LRRC4C: variants seen among roughly 807,000 people sequenced by gnomAD.
LRRC4C encodes the protein leucine-rich repeat-containing protein 4C.
LRRC4C carries 5 observed loss-of-function variants against 33.6 expected under a neutral mutation model. The ratio of observed to expected loss-of-function variants is 0.15; its 90% CI spans 0.08 to 0.31. The LOEUF (loss-of-function observed/expected upper bound fraction) is 0.31, where lower values mean the gene tolerates loss of function less well. Ranked by LOEUF, LRRC4C falls within the 10% of genes least tolerant of loss-of-function variation. The pLI, the probability that LRRC4C is intolerant of heterozygous loss-of-function variation, is 1.00. For missense variants in LRRC4C, 560 were observed against 796.7 expected (o/e 0.70, Z 3.58); for synonymous variants, 329 against 302.0 (o/e 1.09, Z -0.93).
At chr11:40,566,096 T>TG (rs1192319485) in intron 3 of LRRC4C, among the ~76,000 whole-genome samples, 1 of 148,928 alleles carries the variant, frequency 6.7e-6, no homozygotes, top group Non-Finnish European at 1.5e-5. Flanking sequence ...GTTTTTTTTT[T>TG]TTTTTTTTTT....
chr11:41,062,642 T>C (rs181840956), intron 1 of LRRC4C, among the ~76,000 whole-genome samples: 1 of 152,148 alleles, frequency 6.6e-6, no homozygotes. Flanking sequence ...TTGAAAATAA[T>C]CTTTACTGGG....
chr11:41,294,542 A>G (rs1190186480), intron 1 of LRRC4C, among the ~76,000 whole-genome samples: 2 of 152,214 alleles, frequency 1.3e-5, no homozygotes, highest in Admixed American at 1.3e-4. Context: ...TTGTCCTTAT[A>G]GTAGAATATA....
intron 3 of LRRC4C, among the ~76,000 whole-genome samples, chr11:40,373,731 G>C (rs530469458): frequency 1.8e-4 from 27 of 152,206 alleles, no homozygotes; most frequent in Non-Finnish European, 7.4e-5. Context: ...GGTCATGCGA[G>C]AGCTGGTTAC....
chr11:40,291,702 G>A (rs1366706799), intron 4 of LRRC4C, among the ~76,000 whole-genome samples: 1 of 152,058 alleles, frequency 6.6e-6, no homozygotes, highest in Non-Finnish European at 1.5e-5. Context: ...CCACGCACCA[G>A]CCAGAAGCCA....
At chr11:40,781,655 C>G (rs1444234943) in intron 2 of LRRC4C, among the ~76,000 whole-genome samples, 1 of 152,182 alleles carries the variant, frequency 6.6e-6, no homozygotes, top group Non-Finnish European at 1.5e-5. Context: ...CTTAAACTAT[C>G]TGGTTCTTTT....
At chr11:40,537,418 C>G (rs1012101973) in intron 3 of LRRC4C, among the ~76,000 whole-genome samples, 5 of 152,176 alleles carry the variant, frequency 3.3e-5, no homozygotes, top group Admixed American at 6.5e-5. Flanking sequence ...CTCCAGCAGT[C>G]TGGCTCCCAA....
At position 40,525,880 on chromosome 11, in the gene LRRC4C, A is replaced by C. The variant is rs572650587; in HGVS notation, c.-270+122262T>G. 3.3e-5 allele frequency among the ~76,000 whole-genome samples: 5 copies of C among 152,334 alleles called. No individual in the cohort carries two copies. In the South Asian group the frequency reaches 1.0e-3, roughly 32 times the overall value. On this transcript the variant is annotated intron_variant, in intron 3 of 6. Transcript: ENST00000528697. The stretch of plus-strand genomic sequence containing the variant: ...ACTAAGACAAGGTGGTATTGGTCGA[A>C]GTGTAGACTGATAGACCAGTGGAAC...
intron 3 of LRRC4C, among the ~76,000 whole-genome samples, chr11:40,325,387 C>T (rs773040144): frequency 6.6e-6 from 1 of 152,172 alleles, no homozygotes; most frequent in African/African-American, 2.4e-5. Context: ...AACCTCAGCA[C>T]TTTGGTAGGC....
chr11:40,773,580 T>A (rs188016386), intron 2 of LRRC4C, among the ~76,000 whole-genome samples: 1 of 151,986 alleles, frequency 6.6e-6, no homozygotes, highest in Admixed American at 6.6e-5. Context: ...ATAATACATA[T>A]ATGAATAAAT....
intron 1 of LRRC4C, among the ~76,000 whole-genome samples, chr11:41,382,109 T>C (rs1378066165): frequency 6.6e-6 from 1 of 151,926 alleles, no homozygotes; most frequent in Non-Finnish European, 1.5e-5. Context: ...TCATAACTAA[T>C]GAAAAATGAC....
At chr11:41,197,868 C>T (rs113241787) in intron 1 of LRRC4C, among the ~76,000 whole-genome samples, 2,512 of 152,008 alleles carry the variant, frequency 0.017, 76 homozygotes, top group African/African-American at 0.057. Flanking sequence ...TGGCTCATCA[C>T]AATGCCTGAC....
At chr11:41,084,240 G>A (rs1264160994) in intron 1 of LRRC4C, among the ~76,000 whole-genome samples, 2 of 152,118 alleles carry the variant, frequency 1.3e-5, no homozygotes, top group African/African-American at 4.8e-5. Context: ...TTAAGAAAAG[G>A]AACTTTGGAG....
chr11:40,977,639 T>C (rs903059539), intron 1 of LRRC4C, among the ~76,000 whole-genome samples: 1 of 152,130 alleles, frequency 6.6e-6, no homozygotes. Flanking sequence ...AAAATGACTT[T>C]GTCCTTATAT....
At chr11:40,558,349 T>C (rs1957410374) in intron 3 of LRRC4C, among the ~76,000 whole-genome samples, 1 of 152,240 alleles carries the variant, frequency 6.6e-6, no homozygotes, top group Non-Finnish European at 1.5e-5. Flanking sequence ...ATTTTCAATC[T>C]GCACAGTAAT....
chr11:40,839,518 T>A (rs1395589440), intron 2 of LRRC4C, among the ~76,000 whole-genome samples: 1 of 152,270 alleles, frequency 6.6e-6, no homozygotes, highest in African/African-American at 2.4e-5. Flanking sequence ...AGTGCTGGGA[T>A]TACAGGCGTG....
intron 1 of LRRC4C, among the ~76,000 whole-genome samples, chr11:41,193,167 A>C (rs1946035270): frequency 6.6e-6 from 1 of 152,130 alleles, no homozygotes; most frequent in Non-Finnish European, 1.5e-5. Flanking sequence ...GAAGGTATGG[A>C]TGATGAGAAC....
At chr11:41,315,045 A>G (rs999756947) in intron 1 of LRRC4C, among the ~76,000 whole-genome samples, 2 of 152,176 alleles carry the variant, frequency 1.3e-5, no homozygotes, top group African/African-American at 4.8e-5. Context: ...GTTGCTCCAT[A>G]TATTCTACAA....
chr11:41,079,060 A>G (rs1232794460), intron 1 of LRRC4C, among the ~76,000 whole-genome samples: 1 of 152,212 alleles, frequency 6.6e-6, no homozygotes, highest in Non-Finnish European at 1.5e-5. Context: ...AAACCCTCTT[A>G]TAGCTTCCCA....
intron 3 of LRRC4C, among the ~76,000 whole-genome samples, chr11:40,488,365 A>T (rs532404691): frequency 6.6e-6 from 1 of 152,010 alleles, no homozygotes; most frequent in Non-Finnish European, 1.5e-5. Flanking sequence ...AGCAGAGTCC[A>T]CTGAATTTCT....
Sources: allele counts gnomAD v4.1 joint callset (sites outside exome capture counted in the v4.1 genomes callset), GRCh38; gene constraint gnomAD v4.1.1; transcripts MANE v1.5; gene names NCBI Gene and HGNC (gene_info 2026-07-23, HGNC 2026-07-21).